Variants in UGT1A5 observed in about 807,000 individuals in gnomAD.
The protein encoded by UGT1A5 is UDP glucuronosyltransferase family 1 member A5, also known as UDP-glucuronosyltransferase 1A5.
In UGT1A5, 29 loss-of-function variants were observed where a neutral mutation model predicts 40.3. That is an observed-to-expected ratio of 0.72 (90% CI 0.54 to 0.98). The LOEUF is 0.98. Among genes scored for constraint, UGT1A5 ranks in the 50% least tolerant of loss-of-function variants. UGT1A5 has a pLI of 0.00. For missense variants in UGT1A5, 678 were observed against 677.9 expected (o/e 1.00, Z 0.00); for synonymous variants, 257 against 262.5 (o/e 0.98, Z 0.20).
chr2:233,714,763 T>C (rs2076410603), intron 1 of UGT1A5, among the ~76,000 whole-genome samples: 1 of 152,268 alleles, frequency 6.6e-6, no homozygotes, highest in African/African-American at 2.4e-5. Flanking sequence ...ACTTACAGTA[T>C]ATCTCAATTT....
At chr2:233,761,164 G>C in intron 1 of UGT1A5, 2 of 1,614,240 alleles carry the variant, frequency 1.2e-6, no homozygotes, top group South Asian at 1.1e-5. Flanking sequence ...GTGTATTGGA[G>C]TGGGACTTTT....
Position 233,743,916 on chromosome 2 carries a change from T to C in UGT1A5, c.868-23118T>C, listed in dbSNP as rs774957959. On this transcript the variant is annotated intron_variant, in intron 1 of 4. Transcript: ENST00000373414. Reference sequence around the variant, plus strand: ...TCCAGCACCTCGTAGTAGTCCACCATGCTGGATGGCCAGAACGGCCCACCA... The same window carrying C: ...TCCAGCACCTCGTAGTAGTCCACCACGCTGGATGGCCAGAACGGCCCACCA... 1.8e-5 allele frequency: 25 copies of C among 1,364,598 alleles called. 1 individual carries two copies. Among genetic ancestry groups the C allele is most frequent in the South Asian group, 1.5e-4 (13 of 87,900 alleles). 84.5% of individuals were successfully genotyped at this position (1,364,598 alleles called of 1,614,324 possible). A position where few individuals can be genotyped will look rare whatever the true frequency, so the allele number is the denominator to read the frequency against.
intron 1 of UGT1A5, among the ~76,000 whole-genome samples, chr2:233,763,956 G>A (rs1159458395): frequency 1.3e-5 from 2 of 152,194 alleles, no homozygotes; most frequent in Admixed American, 1.3e-4. Context: ...GAGCAGGGAA[G>A]GTTGAGATAT....
chr2:233,760,801 T>G (rs1365770885), intron 1 of UGT1A5: 2 of 1,613,398 alleles, frequency 1.2e-6, no homozygotes, highest in South Asian at 1.1e-5. Context: ...TGTATTCTTC[T>G]TGCATGCACT....
At chr2:233,771,833 T>G (rs1411315562) in intron 4 of UGT1A5, among the ~76,000 whole-genome samples, 1 of 137,650 alleles carries the variant, frequency 7.3e-6, no homozygotes, top group Non-Finnish European at 1.6e-5. Flanking sequence ...CCTTCCCTCC[T>G]TCTCTTCCTT....
chr2:233,767,839 C>T lies in UGT1A5; in HGVS notation c.1000-10C>T. 6.2e-7 allele frequency: 1 copy of T among 1,614,144 alleles called. No homozygotes were observed. Among genetic ancestry groups the T allele is most frequent in the South Asian group, 1.1e-5 (1 of 91,080 alleles). ...CTTTCTTTACGTTCTGCTCTTTTTG[C>T]CCCTCCCAGGTCCTGTGGCGGTACA... On this transcript the variant is annotated splice_polypyrimidine_tract_variant and intron_variant, in intron 2 of 4. Transcript: ENST00000373414.
At chr2:233,755,420 G>A (rs187061066) in intron 1 of UGT1A5, 126 of 320,310 alleles carry the variant, frequency 3.9e-4, no homozygotes, top group African/African-American at 1.9e-3. Context: ...GCCTGTGAGC[G>A]CCTCGCATCC....
intron 4 of UGT1A5, 140 bp from the exon 5 acceptor site, chr2:233,772,122 C>T (rs749512514): frequency 2.9e-5 from 45 of 1,536,534 alleles, no homozygotes; most frequent in Non-Finnish European, 3.9e-5. Flanking sequence ...CTAAAAACAA[C>T]AACAACAACA....
At chr2:233,768,049 C>A in intron 3 of UGT1A5, 113 bp downstream of exon 3, 1 of 1,606,778 alleles carries the variant, frequency 6.2e-7, no homozygotes, top group Non-Finnish European at 8.5e-7. Flanking sequence ...GCCAACATAT[C>A]CTACATTGCT....
At chr2:233,770,192 A>G (rs1288564889) in intron 4 of UGT1A5, 1 of 152,232 alleles carries the variant, frequency 6.6e-6, no homozygotes, top group African/African-American at 2.4e-5. Context: ...ACTAACTTTC[A>G]TCTATTCATT....
At chr2:233,743,592 G>T (rs370692834) in intron 1 of UGT1A5, 2 of 1,367,196 alleles carry the variant, frequency 1.5e-6, no homozygotes, top group Non-Finnish European at 2.0e-6. Context: ...AAGGAGAATG[G>T]GTCCTGGCCG....
chr2:233,749,121 A>T (rs1694116059), intron 1 of UGT1A5, among the ~76,000 whole-genome samples: 1 of 151,732 alleles, frequency 6.6e-6, no homozygotes, highest in Non-Finnish European at 1.5e-5. Context: ...TTTATGTCAT[A>T]TTCACTGAAT....
chr2:233,739,706 G>A (rs760194207), intron 1 of UGT1A5, among the ~76,000 whole-genome samples: 1 of 152,190 alleles, frequency 6.6e-6, no homozygotes, highest in Non-Finnish European at 1.5e-5. Context: ...ACAGGCTCAT[G>A]GGGGAAGGGA....
intron 1 of UGT1A5, among the ~76,000 whole-genome samples, chr2:233,758,412 A>C (rs1428441093): frequency 6.6e-6 from 1 of 152,106 alleles, no homozygotes; most frequent in Non-Finnish European, 1.5e-5. Context: ...TACTGTCTAT[A>C]ATCTGCAAAT....
At chr2:233,729,148 C>T (rs1366354347) in intron 1 of UGT1A5, 5 of 1,613,474 alleles carry the variant, frequency 3.1e-6, no homozygotes, top group Non-Finnish European at 4.2e-6. Context: ...ACTCCAGGTT[C>T]CCCTGCCGTG....
intron 1 of UGT1A5, among the ~76,000 whole-genome samples, chr2:233,745,770 A>C (rs1250440901): frequency 1.3e-5 from 2 of 148,808 alleles, no homozygotes. Flanking sequence ...GAGAGGAGGA[A>C]TGAGCTTAGA....
chr2:233,760,714 A>G, intron 1 of UGT1A5: 1 of 1,614,210 alleles, frequency 6.2e-7, no homozygotes, highest in Non-Finnish European at 8.5e-7. Flanking sequence ...CCTGGCAGAA[A>G]GCAGCTTTGA....
At chr2:233,729,650 A>G in intron 1 of UGT1A5, 2 of 1,613,870 alleles carry the variant, frequency 1.2e-6, no homozygotes, top group Non-Finnish European at 1.7e-6. Context: ...TTTTTGAGGA[A>G]CATTCCATGT....
intron 1 of UGT1A5, chr2:233,761,148 C>T: frequency 6.2e-7 from 1 of 1,614,128 alleles, no homozygotes; most frequent in Non-Finnish European, 8.5e-7. Context: ...ATCCACTATC[C>T]CAGGTGTGTA....
Sources: gnomAD v4.1 joint callset for allele counts (sites outside exome capture counted in the v4.1 genomes callset) on GRCh38, gnomAD v4.1.1 for gene constraint, MANE v1.5 for transcripts, NCBI Gene and HGNC (gene_info 2026-07-23, HGNC 2026-07-21) for gene names.